The following SLC22A24 variants were observed in gnomAD, a reference collection of about 807,000 sequenced individuals.
The protein encoded by SLC22A24 is steroid transmembrane transporter SLC22A24.
A neutral mutation model predicts 49.8 loss-of-function variants in SLC22A24; 53 were observed. The ratio of observed to expected loss-of-function variants is 1.06; its 90% CI spans 0.85 to 1.34. The LOEUF is 1.34. Among genes scored for constraint, SLC22A24 ranks in the 40% most tolerant of loss-of-function variants. The pLI is 0.00. For synonymous variants in SLC22A24, 302 were observed against 256.4 expected (o/e 1.18, Z -1.70); for missense variants, 786 against 675.9 (o/e 1.16, Z -1.81).
At chr11:63,081,178 T>C (rs1186744511) in intron 8 of SLC22A24, 55 bp from the exon 9 acceptor site, 8 of 1,409,426 alleles carry the variant, frequency 5.7e-6, no homozygotes, top group Non-Finnish European at 4.9e-6. Flanking sequence ...ACATGTCAGC[T>C]CTTTATCATC....
chr11:63,139,784 C>T (rs2087401606), intron 1 of SLC22A24, among the ~76,000 whole-genome samples: 1 of 152,168 alleles, frequency 6.6e-6, no homozygotes, highest in South Asian at 2.1e-4. Context: ...TGTGATTAGG[C>T]CCTAGAAATG....
At chr11:63,125,999 G>T (rs992591846) in intron 2 of SLC22A24, among the ~76,000 whole-genome samples, 14 of 152,150 alleles carry the variant, frequency 9.2e-5, no homozygotes, top group African/African-American at 2.6e-4. Flanking sequence ...ACTTTTTGAT[G>T]GGGTCGTTTG....
At chr11:63,091,071 G>T (rs1227718987) in intron 6 of SLC22A24, among the ~76,000 whole-genome samples, 1 of 146,898 alleles carries the variant, frequency 6.8e-6, no homozygotes, top group African/African-American at 2.4e-5. Flanking sequence ...AGAAAAAGAG[G>T]TATCACCACT....
chr11:63,080,706 T>C (rs1176659353), intron 9 of SLC22A24, among the ~76,000 whole-genome samples: 1 of 152,148 alleles, frequency 6.6e-6, no homozygotes, highest in Non-Finnish European at 1.5e-5. Flanking sequence ...TGGTGTGAAA[T>C]GGTCTGTGTG....
At chr11:63,094,237 C>A (rs541488774) in intron 6 of SLC22A24, among the ~76,000 whole-genome samples, 28 of 146,150 alleles carry the variant, frequency 1.9e-4, no homozygotes, top group Non-Finnish European at 2.2e-4. Flanking sequence ...TGAGAACATG[C>A]AGTGTTTGGT....
intron 4 of SLC22A24, among the ~76,000 whole-genome samples, chr11:63,106,066 A>T (rs1323062850): frequency 0.01 from 1,206 of 118,316 alleles, no homozygotes; most frequent in South Asian, 0.018. Flanking sequence ...TATCTCCTAA[A>T]GCTATCCCTC....
At position 63,124,566 on chromosome 11, in the gene SLC22A24, A is replaced by T. The variant is rs145921583; in HGVS notation, c.507-5231T>A. ...TTACTATCTTCCAAAATATCCCTTC[A>T]CTATTTTAGATGTTAGGGTCATCTT... is the stretch of plus-strand genomic sequence containing the variant. On this transcript the variant is annotated intron_variant, in intron 2 of 9. Transcript: ENST00000612278. 2.9e-3 allele frequency among the ~76,000 whole-genome samples: 443 copies of T among 152,282 alleles called. 2 individuals are homozygous for T. The highest frequency in any genetic ancestry group is 0.01 in the African/African-American group (424 of 41,566).
intron 1 of SLC22A24, among the ~76,000 whole-genome samples, chr11:63,138,137 A>C (rs1342034152): frequency 1.3e-5 from 2 of 152,196 alleles, no homozygotes; most frequent in South Asian, 4.1e-4. Context: ...CCAGCTCAGC[A>C]GGCTGGTCAG....
intron 2 of SLC22A24, among the ~76,000 whole-genome samples, chr11:63,128,279 A>G (rs1312335812): frequency 6.6e-6 from 1 of 152,088 alleles, no homozygotes; most frequent in Non-Finnish European, 1.5e-5. Context: ...GGACAGGGCC[A>G]CCAGAGGGCT....
At chr11:63,090,390 C>A (rs2087012876) in intron 6 of SLC22A24, among the ~76,000 whole-genome samples, 1 of 152,016 alleles carries the variant, frequency 6.6e-6, no homozygotes, top group African/African-American at 2.4e-5. Context: ...CTCTCCACCC[C>A]AAATCAAGAG....
At position 63,112,320 on chromosome 11, in the gene SLC22A24, T is replaced by C. The variant is rs150916508; in HGVS notation, c.830+6592A>G. On this transcript the variant is annotated intron_variant, in intron 4 of 9. Transcript: ENST00000612278. ...GTGGTGTAGTGCTGAAGAAAATGTA[T>C]ATCCTGTTGATTTGGGGTAGAGAGT... Among the ~76,000 whole-genome samples the C allele has an allele frequency of 1.7e-3, 260 of 152,332 alleles. 1 individual carries two copies. The highest frequency in any genetic ancestry group is 6.1e-3 in the African/African-American group (253 of 41,574).
At chr11:63,082,702 A>T (rs2086966784) in intron 7 of SLC22A24, among the ~76,000 whole-genome samples, 1 of 152,238 alleles carries the variant, frequency 6.6e-6, no homozygotes, top group African/African-American at 2.4e-5. Flanking sequence ...AAGACAAGGA[A>T]TTTTTATTTC....
At chr11:63,081,443 T>A (rs2086959542) in intron 8 of SLC22A24, 115 bp downstream of exon 8, 1 of 771,288 alleles carries the variant, frequency 1.3e-6, no homozygotes, top group African/African-American at 1.7e-5. Context: ...CTCTGTTCAT[T>A]TCTATTACAG....
At chr11:63,083,590 T>A in intron 6 of SLC22A24, 133 bp from the exon 7 acceptor site, 2 of 668,316 alleles carry the variant, frequency 3.0e-6, no homozygotes, top group Non-Finnish European at 5.0e-6. Flanking sequence ...TTTTTCCTTT[T>A]AAAAAAGGGA....
intron 4 of SLC22A24, chr11:63,116,156 A>G: frequency 2.4e-6 from 1 of 420,004 alleles, no homozygotes; most frequent in Non-Finnish European, 4.1e-6. Flanking sequence ...TGGCCTTGGC[A>G]TTGTTGACCT....
intron 6 of SLC22A24, among the ~76,000 whole-genome samples, chr11:63,090,955 G>C (rs902040040): frequency 6.6e-6 from 1 of 152,108 alleles, no homozygotes; most frequent in African/African-American, 2.4e-5. Flanking sequence ...GAAGGAGATA[G>C]AGACATGAAA....
intron 4 of SLC22A24, among the ~76,000 whole-genome samples, chr11:63,108,594 G>C (rs1364775684): frequency 6.6e-6 from 1 of 152,188 alleles, no homozygotes; most frequent in East Asian, 1.9e-4. Context: ...ATTAATTATT[G>C]CCTCAATTTT....
chr11:63,137,173 C>T (rs537017931), intron 1 of SLC22A24, among the ~76,000 whole-genome samples: 44 of 152,194 alleles, frequency 2.9e-4, no homozygotes, highest in African/African-American at 9.4e-4. Context: ...TTCTTTCTAA[C>T]TAGTAGGAAG....
At chr11:63,109,946 G>T (rs919493651) in intron 4 of SLC22A24, among the ~76,000 whole-genome samples, 1 of 152,156 alleles carries the variant, frequency 6.6e-6, no homozygotes, top group Non-Finnish European at 1.5e-5. Flanking sequence ...GAATGGTAAT[G>T]CCTAGGATTT....
Sources: allele counts gnomAD v4.1 joint callset (sites outside exome capture counted in the v4.1 genomes callset), GRCh38; gene constraint gnomAD v4.1.1; transcripts MANE v1.5; gene names NCBI Gene and HGNC (gene_info 2026-07-23, HGNC 2026-07-21).